Variants in LRP1B observed in about 807,000 individuals in gnomAD.
LRP1B encodes the protein LDL receptor related protein 1B, also known as low-density lipoprotein receptor-related protein 1B.
Under a neutral mutation model 556.6 loss-of-function variants are expected in LRP1B, and 217 were observed. The observed-to-expected ratio is 0.39, with a 90% CI of 0.35 to 0.44. LRP1B has a LOEUF of 0.44. Ranked by LOEUF, LRP1B falls within the 20% of genes least tolerant of loss-of-function variation. The probability of loss-of-function intolerance (pLI) is 1.00; values close to 1 mark genes in which losing one functional copy is unlikely to be tolerated. For missense variants in LRP1B, 5,053 were observed against 5,620.8 expected, an observed-to-expected ratio of 0.90 and a Z score of 3.23; for synonymous variants, 2,047 against 1,865.8, an observed-to-expected ratio of 1.10 and a Z score of -2.50.
intron 7 of LRP1B, among the ~76,000 whole-genome samples, chr2:141,129,265 G>A (rs1370096139): frequency 1.3e-5 from 2 of 152,062 alleles, no homozygotes; most frequent in African/African-American, 2.4e-5. Flanking sequence ...AAAATCGTAA[G>A]GTATAAATAT....
At chr2:141,407,779 T>C (rs115268281) in intron 3 of LRP1B, among the ~76,000 whole-genome samples, 1,586 of 152,310 alleles carry the variant, frequency 0.01, 30 homozygotes, top group African/African-American at 0.037. Flanking sequence ...ACCTCTTTTC[T>C]TTATAAATCA....
At chr2:140,416,532 T>A (rs1464918880) in intron 66 of LRP1B, among the ~76,000 whole-genome samples, 1 of 152,032 alleles carries the variant, frequency 6.6e-6, no homozygotes, top group African/African-American at 2.4e-5. Context: ...GATGCATGCC[T>A]GCAGTCCCAG....
intron 3 of LRP1B, among the ~76,000 whole-genome samples, chr2:141,473,991 C>T (rs1334115875): frequency 4.0e-5 from 6 of 150,168 alleles, no homozygotes; most frequent in African/African-American, 1.2e-4. Context: ...TCTTCAGTAG[C>T]TTTACTAAAT....
intron 57 of LRP1B, among the ~76,000 whole-genome samples, chr2:140,490,175 A>C (rs1688641054): frequency 6.6e-6 from 1 of 152,102 alleles, no homozygotes; most frequent in Non-Finnish European, 1.5e-5. Flanking sequence ...CTTTGGTTCG[A>C]GATGATTAAT....
intron 1 of LRP1B, among the ~76,000 whole-genome samples, chr2:142,076,739 A>G (rs1705516292): frequency 6.6e-6 from 1 of 152,118 alleles, no homozygotes; most frequent in Non-Finnish European, 1.5e-5. Flanking sequence ...ATCTCCGAAG[A>G]GGAGTCTTTG....
At chr2:140,870,442 C>T (rs1693092827) in intron 25 of LRP1B, among the ~76,000 whole-genome samples, 7 of 152,152 alleles carry the variant, frequency 4.6e-5, no homozygotes. Flanking sequence ...TAAGCCTCAA[C>T]CATCTGGTCC....
intron 32 of LRP1B, among the ~76,000 whole-genome samples, chr2:140,800,557 A>G (rs1690473407): frequency 6.6e-6 from 1 of 152,212 alleles, no homozygotes; most frequent in Non-Finnish European, 1.5e-5. Flanking sequence ...ATTGTAAATT[A>G]AATACTAGAA....
chr2:140,849,578 T>C (rs907071541), intron 29 of LRP1B, among the ~76,000 whole-genome samples: 8 of 152,032 alleles, frequency 5.3e-5, no homozygotes, highest in African/African-American at 1.9e-4. Flanking sequence ...TTGCTCTTCT[T>C]GCCCATGCTG....
chr2:140,668,156 C>T (rs1017280776), intron 41 of LRP1B, among the ~76,000 whole-genome samples: 1 of 151,586 alleles, frequency 6.6e-6, no homozygotes, highest in African/African-American at 2.4e-5. Flanking sequence ...ACTAAAAATA[C>T]AAAAATTAGC....
chr2:141,851,237 T>C (rs1437796930), intron 1 of LRP1B, among the ~76,000 whole-genome samples: 1 of 151,804 alleles, frequency 6.6e-6, no homozygotes, highest in Non-Finnish European at 1.5e-5. Flanking sequence ...GAATAATAAA[T>C]TGGTCATATT....
At chr2:141,296,233 C>T (rs1387045540) in intron 3 of LRP1B, among the ~76,000 whole-genome samples, 7 of 152,014 alleles carry the variant, frequency 4.6e-5, no homozygotes, top group South Asian at 4.1e-4. Flanking sequence ...TGAAGCATTC[C>T]GTAAGTCAGT....
intron 32 of LRP1B, among the ~76,000 whole-genome samples, chr2:140,812,590 A>G (rs549737398): frequency 6.6e-6 from 1 of 151,936 alleles, no homozygotes; most frequent in African/African-American, 2.4e-5. Context: ...CCAAAAAAAT[A>G]ATAAAACAAC....
At chr2:141,454,869 A>G (rs2105029639) in intron 3 of LRP1B, among the ~76,000 whole-genome samples, 1 of 152,342 alleles carries the variant, frequency 6.6e-6, no homozygotes, top group East Asian at 1.9e-4. Context: ...TCTCCTTATC[A>G]TTACTGAGGA....
intron 2 of LRP1B, among the ~76,000 whole-genome samples, chr2:141,548,552 GC>G: frequency 6.6e-6 from 1 of 152,118 alleles, no homozygotes; most frequent in East Asian, 1.9e-4. Flanking sequence ...TTACTGTTCT[GC>G]TGAGATAACA....
intron 31 of LRP1B, among the ~76,000 whole-genome samples, chr2:140,824,129 TAAAAAA>T (rs11376103): frequency 6.6e-6 from 1 of 150,700 alleles, no homozygotes; most frequent in African/African-American, 2.4e-5. Context: ...TTTAAAAAAA[TAAAAAA>T]AAATAGAAAA....
chr2:140,799,146 TA>T (rs1262888910), intron 32 of LRP1B, among the ~76,000 whole-genome samples: 1 of 152,200 alleles, frequency 6.6e-6, no homozygotes, highest in Non-Finnish European at 1.5e-5. Context: ...AAATACATTT[TA>T]AAAGTAACAC....
At position 141,705,925 on chromosome 2, in the gene LRP1B, C is replaced by T. The variant is rs922626012; in HGVS notation, c.205+104354G>A. ...TTCAATGATTATCATATTCTGCCCC[C>T]AACCCACATTTCCAGATTTATTTTT... On this transcript the variant is annotated intron_variant, in intron 2 of 90. Coordinates refer to ENST00000389484, the MANE Select transcript of LRP1B (RefSeq NM_018557.3). Among the ~76,000 whole-genome samples, 5 of 151,998 alleles carry T rather than the reference C, an allele frequency of 3.3e-5. No homozygotes were observed. In the East Asian group the frequency reaches 9.7e-4, roughly 29 times the overall value.
intron 1 of LRP1B, among the ~76,000 whole-genome samples, chr2:142,065,962 T>C (rs1705093117): frequency 6.6e-6 from 1 of 151,252 alleles, no homozygotes; most frequent in African/African-American, 2.4e-5. Flanking sequence ...ATGAAATCCC[T>C]CAAAAAACAA....
At chr2:141,355,731 T>C (rs1688603944) in intron 3 of LRP1B, among the ~76,000 whole-genome samples, 1 of 152,048 alleles carries the variant, frequency 6.6e-6, no homozygotes, top group Admixed American at 6.6e-5. Context: ...TCCCAGTAAC[T>C]AGTATTATAA....
Sources: allele counts gnomAD v4.1 joint callset (sites outside exome capture counted in the v4.1 genomes callset), GRCh38; gene constraint gnomAD v4.1.1; transcripts MANE v1.5; gene names NCBI Gene and HGNC (gene_info 2026-07-23, HGNC 2026-07-21).